MARK2: variants seen among roughly 807,000 people sequenced by gnomAD.
MARK2 encodes the protein serine/threonine-protein kinase MARK2.
MARK2 carries 16 observed loss-of-function variants against 89.8 expected under a neutral mutation model. The ratio of observed to expected loss-of-function variants is 0.18; its 90% CI spans 0.12 to 0.27. MARK2 has a LOEUF of 0.27. Among genes scored for constraint, MARK2 ranks in the 10% least tolerant of loss-of-function variants. The pLI, the probability that MARK2 is intolerant of heterozygous loss-of-function variation, is 1.00. For missense variants in MARK2, 621 were observed against 1,049.9 expected (o/e 0.59, Z 5.65); for synonymous variants, 382 against 399.5 (o/e 0.96, Z 0.52).
rs761576625 is a variant in MARK2, at chr11:63,902,184, T to C, written c.1102-14T>C. ...CTTCTGCCCTCCCTTGAAGCTGTTT[T>C]CTGTTTCTTTCAGCTGGAAGGCGAC... On this transcript the variant is annotated splice_polypyrimidine_tract_variant and intron_variant, in intron 11 of 18. Coordinates refer to ENST00000402010, the MANE Select transcript of MARK2 (RefSeq NM_001039469.3). This position sits in a 1 kb window ranked among gnomAD's most constrained non-coding sequence, Gnocchi z 4.2. 2.5e-6 allele frequency: 4 copies of C among 1,613,660 alleles called. No individual in the cohort carries two copies. Among genetic ancestry groups the C allele is most frequent in the Non-Finnish European group, 3.4e-6 (4 of 1,179,688 alleles).
intron 1 of MARK2, among the ~76,000 whole-genome samples, chr11:63,854,005 T>G (rs1170796250): frequency 6.6e-6 from 1 of 152,040 alleles, no homozygotes; most frequent in African/African-American, 2.4e-5. Context: ...CCCAAGTTGC[T>G]GGGATTACAG....
At chr11:63,874,615 G>A (rs551539456) in intron 1 of MARK2, among the ~76,000 whole-genome samples, 5 of 152,262 alleles carry the variant, frequency 3.3e-5, no homozygotes, top group African/African-American at 1.2e-4. Flanking sequence ...ATTTCTTGGC[G>A]GGAGGCCTCT....
chr11:63,880,683 C>T (rs1939034140), intron 1 of MARK2, among the ~76,000 whole-genome samples: 1 of 152,162 alleles, frequency 6.6e-6, no homozygotes, highest in Admixed American at 6.5e-5. Context: ...GGTTTTCCCT[C>T]CGATGAAAGG....
At chr11:63,868,014 C>T (rs950908412) in intron 1 of MARK2, among the ~76,000 whole-genome samples, 1 of 152,184 alleles carries the variant, frequency 6.6e-6, no homozygotes, top group Non-Finnish European at 1.5e-5. Context: ...TTCTCTGTAT[C>T]ACTTCGGACA....
At chr11:63,846,642 GC>G (rs1252061228) in intron 1 of MARK2, among the ~76,000 whole-genome samples, 1 of 143,036 alleles carries the variant, frequency 7.0e-6, no homozygotes, top group African/African-American at 2.7e-5. Flanking sequence ...GAGTCACCCC[GC>G]CTGGCCAAAA....
rs957157479 is a variant in MARK2, at chr11:63,903,617, A to C, written c.1515-369A>C. The stretch of plus-strand genomic sequence containing the variant: ...TTCTTGGTGTTGCATTCCTGGCTCT[A>C]TCTCTTCTGAGTTTATGAAAGTTTC... On this transcript the variant is annotated intron_variant, in intron 14 of 18. Coordinates refer to ENST00000402010, the MANE Select transcript of MARK2 (RefSeq NM_001039469.3). This position sits in a 1 kb window ranked among gnomAD's most constrained non-coding sequence, Gnocchi z 5.1. Among the ~76,000 whole-genome samples the C allele has an allele frequency of 2.0e-5, 3 of 151,816 alleles. No individual in the cohort carries two copies. Among genetic ancestry groups the C allele is most frequent in the Middle Eastern group, 6.8e-3 (2 of 292 alleles).
chr11:63,899,800 C>T, intron 7 of MARK2, 74 bp from the exon 8 acceptor site: 1 of 936,844 alleles, frequency 1.1e-6, no homozygotes, highest in Non-Finnish European at 1.7e-6. Context: ...TCTCCCATTC[C>T]CCTCAGCTCC....
intron 4 of MARK2, 24 bp from the exon 5 acceptor site, chr11:63,898,584 A>G (rs762898724): frequency 4.9e-5 from 78 of 1,597,638 alleles, no homozygotes; most frequent in Non-Finnish European, 6.5e-5. Flanking sequence ...TTCTTGACTT[A>G]AGGCTTGGCC....
At position 63,902,003 on chromosome 11, in the gene MARK2, G is replaced by A. The variant is rs1940932695; in HGVS notation, c.1102-195G>A. ...TGTATTCCTTTCTGAGACTGTGTTTGTCAGTGTCTGTGTCAGAGCATGTGT... is the reference window on the plus strand; with the variant it reads ...TGTATTCCTTTCTGAGACTGTGTTTATCAGTGTCTGTGTCAGAGCATGTGT... On this transcript the variant is annotated intron_variant, in intron 11 of 18. Coordinates refer to ENST00000402010, the MANE Select transcript of MARK2 (RefSeq NM_001039469.3). This position sits in a 1 kb window ranked among gnomAD's most constrained non-coding sequence, Gnocchi z 4.2. Among the ~76,000 whole-genome samples the A allele has an allele frequency of 1.3e-5, 2 of 152,070 alleles. No individual in the cohort carries two copies. Among genetic ancestry groups the A allele is most frequent in the South Asian group, 4.1e-4 (2 of 4,828 alleles).
intron 17 of MARK2, among the ~76,000 whole-genome samples, chr11:63,907,501 T>C (rs1413798941): frequency 1.3e-5 from 2 of 152,330 alleles, no homozygotes; most frequent in African/African-American, 4.8e-5. Flanking sequence ...CAGACACCCA[T>C]CTTCCAGCCA....
chr11:63,874,700 C>T (rs1203541853), intron 1 of MARK2, among the ~76,000 whole-genome samples: 3 of 152,196 alleles, frequency 2.0e-5, no homozygotes, highest in Admixed American at 2.0e-4. Context: ...TTCTAATCCC[C>T]TTGTCTATAA....
At chr11:63,861,447 CAA>C (rs1937776187) in intron 1 of MARK2, among the ~76,000 whole-genome samples, 1 of 151,846 alleles carries the variant, frequency 6.6e-6, no homozygotes, top group African/African-American at 2.4e-5. Context: ...AAAAAAAAAA[CAA>C]GAATTTTAAT....
At chr11:63,882,399 C>T (rs924554572) in intron 1 of MARK2, among the ~76,000 whole-genome samples, 4 of 152,074 alleles carry the variant, frequency 2.6e-5, no homozygotes, top group Admixed American at 6.6e-5. Flanking sequence ...GCCTGACCAA[C>T]GTGGAGAAAC....
chr11:63,890,269 T>C, intron 1 of MARK2: 2 of 1,345,666 alleles, frequency 1.5e-6, no homozygotes, highest in African/African-American at 3.0e-5. Flanking sequence ...GGGAAACATC[T>C]TACAGCATAG....
At chr11:63,869,469 C>G (rs1418324222) in intron 1 of MARK2, 1 of 153,722 alleles carries the variant, frequency 6.5e-6, no homozygotes, top group Non-Finnish European at 1.4e-5. Flanking sequence ...GCCCTGGGGC[C>G]TGTTGGAAAT....
At position 63,868,572 on chromosome 11, in the gene MARK2, G is replaced by A. The variant is rs1283958424; in HGVS notation, c.55-26587G>A. ...CATTGCTGGATTGTGTTAAGAACTC[G>A]GAGAGGAAACCACAGGGAGGATGCA... On this transcript the variant is annotated intron_variant, in intron 1 of 18. Transcript: ENST00000402010. The A allele has an allele frequency of 3.3e-5, 11 of 330,362 alleles. 1 individual carries two copies. Among genetic ancestry groups the A allele is most frequent in the South Asian group, 1.9e-4 (8 of 41,974 alleles). The allele number at this position is 330,362 out of a possible 1,614,324, so 20.5% of individuals were successfully genotyped here.
At chr11:63,841,124 TTA>T (rs2015993166) in intron 1 of MARK2, among the ~76,000 whole-genome samples, 1 of 152,166 alleles carries the variant, frequency 6.6e-6, no homozygotes, top group Admixed American at 6.5e-5. Flanking sequence ...CTTCCATCCT[TTA>T]TGTTTCCCTC....
In MARK2 at chr11:63,902,107, T is replaced by A. The variant is rs996522134; in HGVS notation, c.1102-91T>A. ...GTATGATCCTGGGGTGTTTGAGTGT[T>A]GGGAGAGGGCGGTATGTGTAAATGT... On this transcript the variant is annotated intron_variant, in intron 11 of 18. Transcript: ENST00000402010. This position sits in a 1 kb window ranked among gnomAD's most constrained non-coding sequence, Gnocchi z 4.2. 1 of 1,430,284 alleles carries A rather than the reference T, an allele frequency of 7.0e-7. No homozygotes were observed. The highest frequency in any genetic ancestry group is 1.9e-5 in the Admixed American group (1 of 51,746). 88.6% of individuals were successfully genotyped at this position (1,430,284 alleles called of 1,614,324 possible). A position where few individuals can be genotyped will look rare whatever the true frequency, so the allele number is the denominator to read the frequency against.
rs552710035 is a variant in MARK2 at position 63,904,694 on chromosome 11, C to T, written c.1677-92C>T. Reference sequence around the variant, plus strand: ...TGGCTGCCTCTGCCCTAGCATCCCCCTCCCTGTCCCCACCACAGGGTGTCC... The same window carrying T: ...TGGCTGCCTCTGCCCTAGCATCCCCTTCCCTGTCCCCACCACAGGGTGTCC... On this transcript the variant is annotated intron_variant, in intron 15 of 18. Coordinates refer to ENST00000402010, the MANE Select transcript of MARK2 (RefSeq NM_001039469.3). This position sits in a 1 kb window ranked among gnomAD's most constrained non-coding sequence, Gnocchi z 6.3. The T allele has an allele frequency of 1.3e-4, 149 of 1,116,884 alleles. 3 individuals are homozygous for T. The highest frequency in any genetic ancestry group is 6.8e-4 in the South Asian group (50 of 73,622). The allele number at this position is 1,116,884 out of a possible 1,614,324, so 69.2% of individuals were successfully genotyped here.
Sources: allele counts gnomAD v4.1 joint callset (sites outside exome capture counted in the v4.1 genomes callset), GRCh38; gene constraint gnomAD v4.1.1; non-coding constraint Gnocchi (gnomAD v3.1); transcripts MANE v1.5; gene names NCBI Gene and HGNC (gene_info 2026-07-23, HGNC 2026-07-21).